The following ABCA13 variants were observed in gnomAD, a reference collection of about 807,000 sequenced individuals.
ABCA13 encodes ATP binding cassette subfamily A member 13.
ABCA13 carries 476 observed loss-of-function variants against 478.7 expected under a neutral mutation model. The observed-to-expected ratio is 0.99, with a 90% CI of 0.92 to 1.07. The LOEUF (loss-of-function observed/expected upper bound fraction) is 1.07, where lower values mean the gene tolerates loss of function less well. ABCA13 is among the 50% of genes least tolerant of loss of function. The probability of loss-of-function intolerance (pLI) is 0.00; values close to 1 mark genes in which losing one functional copy is unlikely to be tolerated. For missense variants in ABCA13, 6,060 were observed against 5,910.6 expected (o/e 1.03, Z -0.83); for synonymous variants, 2,252 against 2,158.9 (o/e 1.04, Z -1.20).
intron 29 of ABCA13, among the ~76,000 whole-genome samples, chr7:48,348,624 T>C (rs953818243): frequency 3.3e-5 from 5 of 152,246 alleles, no homozygotes; most frequent in African/African-American, 1.2e-4. Context: ...GAGATGTGTG[T>C]GTGAGCTCTG....
chr7:48,329,951 TTCTATCCATCCA>T (rs1450967918), intron 27 of ABCA13, among the ~76,000 whole-genome samples: 1 of 148,114 alleles, frequency 6.8e-6, no homozygotes, highest in African/African-American at 2.5e-5. Context: ...CCATCTAGCC[TTCTATCCATCCA>T]TCTATCCATC....
At chr7:48,291,869 G>A (rs960249396) in intron 20 of ABCA13, among the ~76,000 whole-genome samples, 3 of 152,188 alleles carry the variant, frequency 2.0e-5, no homozygotes, top group East Asian at 3.9e-4. Context: ...CACAGACTCA[G>A]CCACGCCCAT....
intron 31 of ABCA13, among the ~76,000 whole-genome samples, chr7:48,355,655 C>T (rs1809781441): frequency 6.6e-6 from 1 of 151,888 alleles, no homozygotes; most frequent in African/African-American, 2.4e-5. Context: ...AGTGTGGTAG[C>T]AGAGAAGCTG....
intron 55 of ABCA13, among the ~76,000 whole-genome samples, chr7:48,554,949 C>T (rs1785657079): frequency 1.3e-5 from 2 of 151,406 alleles, no homozygotes; most frequent in African/African-American, 4.8e-5. Context: ...CAGGTTTTCC[C>T]TCATTCAGTG....
chr7:48,385,060 G>A (rs903577041), intron 35 of ABCA13, among the ~76,000 whole-genome samples: 29 of 152,210 alleles, frequency 1.9e-4, no homozygotes, highest in African/African-American at 6.0e-4. Context: ...TGAAACCTGC[G>A]GAGATACAAC....
In ABCA13 at chr7:48,645,755, G is replaced by C. The variant is rs1795402599; in HGVS notation, c.*243G>C. On this transcript the variant is annotated 3_prime_UTR_variant, in exon 62 of 62. Transcript: ENST00000435803. The stretch of plus-strand genomic sequence containing the variant: ...AACATTTGTTCTCTTTACCATGCCA[G>C]ATGGACACCAGCTTCTTTGTGACAA... 4.7e-6 allele frequency: 2 copies of C among 426,908 alleles called. No individual in the cohort carries two copies. The highest frequency in any genetic ancestry group is 4.2e-5 in the African/African-American group (2 of 48,094). The allele number at this position is 426,908 out of a possible 1,614,324, so 26.4% of individuals were successfully genotyped here.
chr7:48,577,936 A>G (rs1173657891), intron 55 of ABCA13, among the ~76,000 whole-genome samples: 2 of 152,166 alleles, frequency 1.3e-5, no homozygotes, highest in Non-Finnish European at 2.9e-5. Flanking sequence ...AAATCAATTA[A>G]TATAATCCAT....
intron 55 of ABCA13, among the ~76,000 whole-genome samples, chr7:48,531,690 C>T (rs994540776): frequency 2.7e-5 from 4 of 147,036 alleles, no homozygotes; most frequent in African/African-American, 9.9e-5. Flanking sequence ...TTTACTTTTC[C>T]TTGTAGAGGT....
intron 11 of ABCA13, 130 bp downstream of exon 11, chr7:48,244,833 T>C: frequency 6.1e-6 from 7 of 1,145,168 alleles, no homozygotes; most frequent in Non-Finnish European, 8.6e-6. Context: ...CATATGCATA[T>C]TTATGCTTTA....
At chr7:48,370,376 C>T (rs1337483004) in intron 32 of ABCA13, among the ~76,000 whole-genome samples, 1 of 152,030 alleles carries the variant, frequency 6.6e-6, no homozygotes, top group Non-Finnish European at 1.5e-5. Flanking sequence ...GATTTGGATG[C>T]CCTTCATTTC....
intron 58 of ABCA13, among the ~76,000 whole-genome samples, chr7:48,596,077 G>C (rs896647927): frequency 6.6e-6 from 1 of 152,192 alleles, no homozygotes; most frequent in African/African-American, 2.4e-5. Context: ...ACTATTAAAT[G>C]CTATAACTCA....
At chr7:48,505,139 A>G (rs2130850302) in intron 48 of ABCA13, among the ~76,000 whole-genome samples, 1 of 152,212 alleles carries the variant, frequency 6.6e-6, no homozygotes, top group Middle Eastern at 3.4e-3. Flanking sequence ...TGTACAGTGG[A>G]TTTGCTGAAC....
intron 23 of ABCA13, among the ~76,000 whole-genome samples, chr7:48,301,127 T>C (rs1467845641): frequency 2.0e-5 from 3 of 152,280 alleles, no homozygotes; most frequent in Admixed American, 1.3e-4. Context: ...CAGTCCTCAG[T>C]GGATTCATTC....
chr7:48,508,747 G>GCACT (rs1177401564), intron 50 of ABCA13, among the ~76,000 whole-genome samples: 6 of 152,130 alleles, frequency 3.9e-5, no homozygotes, highest in Non-Finnish European at 8.8e-5. Context: ...TAAGTCAGTG[G>GCACT]AAGGCCGGAG....
intron 59 of ABCA13, among the ~76,000 whole-genome samples, chr7:48,640,295 G>A (rs1212410038): frequency 1.3e-5 from 2 of 152,160 alleles, no homozygotes; most frequent in Non-Finnish European, 2.9e-5. Flanking sequence ...GGTATAACTT[G>A]ACAAGTGATT....
chr7:48,412,098 G>A (rs1214907749), intron 40 of ABCA13, among the ~76,000 whole-genome samples: 4 of 152,172 alleles, frequency 2.6e-5, no homozygotes, highest in African/African-American at 7.2e-5. Flanking sequence ...GGCAGGCCCA[G>A]TAGCTAAGAC....
At chr7:48,323,470 A>G (rs1054867369) in intron 27 of ABCA13, among the ~76,000 whole-genome samples, 2 of 152,200 alleles carry the variant, frequency 1.3e-5, no homozygotes, top group African/African-American at 4.8e-5. Context: ...GATATGCAGT[A>G]GCTTTGTCTG....
At position 48,587,255 on chromosome 7, in the gene ABCA13, G is replaced by A; in HGVS notation, c.14607G>A (p.Leu4869=). The change falls in exon 57 of 62, where the codon CTG becomes CTA. Residue 4869 remains leucine (L), a synonymous_variant. Coordinates refer to ENST00000435803, the MANE Select transcript of ABCA13 (RefSeq NM_152701.5). ...CCAAGCGGAAACTCTCTACAGCCCT[G>A]GCCCTGGTGGGGAAACCTGACATTC... ...GGTKRKLSTA[L]ALVGKPDILL... is the part of the protein sequence containing the mutation. 1 of 1,610,818 alleles carries A rather than the reference G, an allele frequency of 6.2e-7. No homozygotes were observed. The highest frequency in any genetic ancestry group is 8.5e-7 in the Non-Finnish European group (1 of 1,178,438).
At chr7:48,571,567 C>T (rs999201635) in intron 55 of ABCA13, among the ~76,000 whole-genome samples, 2 of 151,814 alleles carry the variant, frequency 1.3e-5, no homozygotes, top group Non-Finnish European at 2.9e-5. Context: ...GTTAAGAAAG[C>T]AGCTATTAAC....
Sources: allele counts gnomAD v4.1 joint callset (sites outside exome capture counted in the v4.1 genomes callset), GRCh38; gene constraint gnomAD v4.1.1; transcripts MANE v1.5; gene names NCBI Gene and HGNC (gene_info 2026-07-23, HGNC 2026-07-21).